Variants in SLMAP observed in about 807,000 individuals in gnomAD.
SLMAP encodes sarcolemmal membrane-associated protein.
A neutral mutation model predicts 128.8 loss-of-function variants in SLMAP; 44 were observed. The ratio of observed to expected loss-of-function variants is 0.34; its 90% CI spans 0.27 to 0.44. The LOEUF is 0.44. Among genes scored for constraint, SLMAP ranks in the 20% least tolerant of loss-of-function variants. The pLI is 1.00. For synonymous variants in SLMAP, 327 were observed against 348.8 expected (o/e 0.94, Z 0.70); for missense variants, 787 against 985.3 (o/e 0.80, Z 2.69).
rs2097052942 is a variant in SLMAP at position 57,929,963 on chromosome 3, A to G, written c.*2674A>G. Among the ~76,000 whole-genome samples, 2 of 152,372 alleles carry G rather than the reference A, an allele frequency of 1.3e-5. No homozygotes were observed. Among genetic ancestry groups the G allele is most frequent in the African/African-American group, 4.8e-5 (2 of 41,590 alleles). ...AAATATTAAAGTTTTAGGTAAGCCTAAACTTTAATCTACTTTAATTAAATG... is the reference window on the plus strand; with the variant it reads ...AAATATTAAAGTTTTAGGTAAGCCTGAACTTTAATCTACTTTAATTAAATG... On this transcript the variant is annotated 3_prime_UTR_variant, in exon 25 of 25. Transcript: ENST00000671191.
At chr3:57,876,471 T>C (rs918728397) in intron 14 of SLMAP, among the ~76,000 whole-genome samples, 2 of 152,202 alleles carry the variant, frequency 1.3e-5, no homozygotes, top group Admixed American at 1.3e-4. Flanking sequence ...TATTCTCTAT[T>C]AAAAGATCTT....
chr3:57,781,365 C>G (rs1403494383), intron 2 of SLMAP, among the ~76,000 whole-genome samples: 1 of 152,094 alleles, frequency 6.6e-6, no homozygotes, highest in African/African-American at 2.4e-5. Context: ...GATGTTACTT[C>G]ATTGAAAAGG....
intron 2 of SLMAP, among the ~76,000 whole-genome samples, chr3:57,823,757 G>A (rs1162765343): frequency 3.9e-5 from 6 of 152,106 alleles, no homozygotes; most frequent in East Asian, 1.9e-4. Flanking sequence ...GCTGGGTCAA[G>A]TGGTATTTCT....
At chr3:57,812,042 G>A (rs1164851525) in intron 2 of SLMAP, among the ~76,000 whole-genome samples, 2 of 152,086 alleles carry the variant, frequency 1.3e-5, no homozygotes, top group Non-Finnish European at 2.9e-5. Flanking sequence ...TTACTCTGTT[G>A]ATAGTGCCCT....
chr3:57,849,699 T>A (rs2094435657), intron 5 of SLMAP, 55 bp from the exon 6 acceptor site: 1 of 928,494 alleles, frequency 1.1e-6, no homozygotes, highest in African/African-American at 1.6e-5. Flanking sequence ...AATTGGTTTG[T>A]CTTTAATGTT....
At chr3:57,824,090 G>A (rs1357443809) in intron 2 of SLMAP, among the ~76,000 whole-genome samples, 2 of 152,142 alleles carry the variant, frequency 1.3e-5, no homozygotes, top group Non-Finnish European at 2.9e-5. Context: ...GGAAAACAAT[G>A]TATCAATGGG....
intron 2 of SLMAP, among the ~76,000 whole-genome samples, chr3:57,812,574 T>C (rs1179967935): frequency 6.6e-6 from 1 of 152,220 alleles, no homozygotes; most frequent in East Asian, 1.9e-4. Context: ...ATATAAGTTT[T>C]AGGATGAGCA....
chr3:57,906,332 T>TTTTTTTTTTTTTTTTTTTTTTTTTC (rs1491216777), intron 17 of SLMAP, among the ~76,000 whole-genome samples: 9 of 137,030 alleles, frequency 6.6e-5, no homozygotes, highest in Admixed American at 4.8e-4. Context: ...TTTTTTTTTT[T>TTTTTTTTTTTTTTTTTTTTTTTTTC]AGAGACACAG....
intron 17 of SLMAP, chr3:57,902,257 A>G (rs2096403985): frequency 6.6e-6 from 1 of 152,146 alleles, no homozygotes; most frequent in Admixed American, 6.6e-5. Context: ...GAGTTTTTTT[A>G]TATTTACATC....
At chr3:57,841,917 C>G (rs2093955017) in intron 4 of SLMAP, among the ~76,000 whole-genome samples, 1 of 152,048 alleles carries the variant, frequency 6.6e-6, no homozygotes, top group African/African-American at 2.4e-5. Context: ...CCCATAAAAT[C>G]TAGATTTTTA....
intron 10 of SLMAP, among the ~76,000 whole-genome samples, chr3:57,863,339 A>G (rs2095177426): frequency 6.6e-6 from 1 of 152,218 alleles, no homozygotes; most frequent in South Asian, 2.1e-4. Flanking sequence ...AATTCAAACT[A>G]TGGATTGAGT....
intron 6 of SLMAP, among the ~76,000 whole-genome samples, chr3:57,857,051 A>ATG (rs146573779): frequency 1.1e-4 from 16 of 151,972 alleles, no homozygotes; most frequent in African/African-American, 2.7e-4. Context: ...GTGTGTATGT[A>ATG]TGTGTGTGTG....
At chr3:57,861,323 A>G (rs2095050803) in intron 9 of SLMAP, among the ~76,000 whole-genome samples, 1 of 152,204 alleles carries the variant, frequency 6.6e-6, no homozygotes, top group Non-Finnish European at 1.5e-5. Flanking sequence ...AGCAATCAAA[A>G]TGCAATTTTT....
At chr3:57,891,538 G>A (rs2096069736) in intron 15 of SLMAP, among the ~76,000 whole-genome samples, 1 of 150,894 alleles carries the variant, frequency 6.6e-6, no homozygotes, top group Non-Finnish European at 1.5e-5. Flanking sequence ...TAAAGAACAT[G>A]CCTTTTGATC....
Position 57,861,965 on chromosome 3 carries a change from C to T in SLMAP, c.845C>T (p.Thr282Ile). 6.2e-7 allele frequency: 1 copy of T among 1,611,832 alleles called. No homozygotes were observed. Among genetic ancestry groups the T allele is most frequent in the Non-Finnish European group, 8.5e-7 (1 of 1,178,312 alleles). The change falls in exon 10 of 25, where the codon ACT becomes ATT. Residue 282 changes from threonine to isoleucine, a missense_variant. By Grantham distance (89) the Thr-to-Ile change is moderately conservative (BLOSUM62 -1). Coordinates refer to ENST00000671191, the MANE Select transcript of SLMAP (RefSeq NM_001377540.1). ...LSEVERSLSN[T>I]EDECTHLKEM... ...GAATCGCAGCGAAGTCTGAGTAATA[C>T]TGAAGATGAATGTACCCATCTGAAA...
At chr3:57,817,754 C>G (rs1269113687) in intron 2 of SLMAP, among the ~76,000 whole-genome samples, 1 of 152,186 alleles carries the variant, frequency 6.6e-6, no homozygotes, top group African/African-American at 2.4e-5. Flanking sequence ...TAGTTCCCTT[C>G]TACTCTGTCA....
chr3:57,854,384 G>C (rs148841879), intron 6 of SLMAP, among the ~76,000 whole-genome samples: 1,926 of 152,146 alleles, frequency 0.013, 29 homozygotes, highest in African/African-American at 0.044. Context: ...GATCACTTGA[G>C]ACCAGGAGTT....
intron 2 of SLMAP, among the ~76,000 whole-genome samples, chr3:57,806,884 A>G (rs2089994304): frequency 6.6e-6 from 1 of 152,230 alleles, no homozygotes; most frequent in Non-Finnish European, 1.5e-5. Flanking sequence ...TATACCCAGT[A>G]ATGTGATTGC....
chr3:57,850,369 G>A (rs1374640864), intron 6 of SLMAP, among the ~76,000 whole-genome samples: 2 of 152,052 alleles, frequency 1.3e-5, no homozygotes, highest in Non-Finnish European at 2.9e-5. Flanking sequence ...TGTACAAGAG[G>A]AATTTTTTTG....
Sources: allele counts gnomAD v4.1 joint callset (sites outside exome capture counted in the v4.1 genomes callset), GRCh38; gene constraint gnomAD v4.1.1; transcripts MANE v1.5; gene names NCBI Gene and HGNC (gene_info 2026-07-23, HGNC 2026-07-21).